DPF1: variants seen among roughly 807,000 people sequenced by gnomAD.
The protein encoded by DPF1 is zinc finger protein neuro-d4.
DPF1 carries 14 observed loss-of-function variants against 58.7 expected under a neutral mutation model. The observed-to-expected ratio is 0.24, with a 90% CI of 0.16 to 0.37. DPF1 has a LOEUF of 0.37. Ranked by LOEUF, DPF1 falls within the 10% of genes least tolerant of loss-of-function variation. The pLI, the probability that DPF1 is intolerant of heterozygous loss-of-function variation, is 1.00. For synonymous variants in DPF1, 216 were observed against 216.0 expected (o/e 1.00, Z 0.00); for missense variants, 345 against 529.9 (o/e 0.65, Z 3.43).
Position 38,218,571 on chromosome 19 carries a change from A to T in DPF1, c.516+2T>A. 6.2e-7 allele frequency: 1 copy of T among 1,613,994 alleles called. No homozygotes were observed. Among genetic ancestry groups the T allele is most frequent in the East Asian group, 2.2e-5 (1 of 44,872 alleles). Reference sequence around the variant, plus strand: ...GGGAAGAGGAGAAGCTTGGGGTGATACCTTTCCTTTGGCCCTGTTCTTCCT... The same window carrying T: ...GGGAAGAGGAGAAGCTTGGGGTGATTCCTTTCCTTTGGCCCTGTTCTTCCT... On this transcript the variant is annotated splice_donor_variant, in intron 5 of 11. Coordinates refer to ENST00000355526, the MANE Select transcript of DPF1 (RefSeq NM_001135155.3). LOFTEE classifies it high-confidence loss of function.
intron 9 of DPF1, 138 bp downstream of exon 9, chr19:38,216,002 T>A (rs1173256646): frequency 7.0e-7 from 1 of 1,420,558 alleles, no homozygotes; most frequent in East Asian, 2.4e-5. Flanking sequence ...TCAGCCTCGC[T>A]AGCTCTGGTT....
intron 3 of DPF1, among the ~76,000 whole-genome samples, chr19:38,221,508 C>G (rs918041669): frequency 1.3e-5 from 2 of 151,116 alleles, no homozygotes; most frequent in African/African-American, 4.9e-5. Context: ...CCACTGTACT[C>G]CAGCCTGGGT....
In DPF1 at chr19:38,222,310, ACAG is replaced by A; in HGVS notation, c.298+44_298+46del. 9 of 1,491,220 alleles carry A rather than the reference ACAG, an allele frequency of 6.0e-6. No homozygotes were observed. Among genetic ancestry groups the A allele is most frequent in the Non-Finnish European group, 8.2e-6 (9 of 1,095,824 alleles). 92.4% of individuals were successfully genotyped at this position (1,491,220 alleles called of 1,614,324 possible). A position where few individuals can be genotyped will look rare whatever the true frequency, so the allele number is the denominator to read the frequency against. ...AGGTGATGGACGAGTGCTAGGACAC[ACAG>A]CAGGCGCTGGGACACCGATGGGGGC... On this transcript the variant is annotated intron_variant, in intron 3 of 11. Coordinates refer to ENST00000355526, the MANE Select transcript of DPF1 (RefSeq NM_001135155.3). This position sits in a 1 kb window ranked among gnomAD's most constrained non-coding sequence, Gnocchi z 4.9.
chr19:38,229,151 C>A (rs1289407433), upstream of DPF1, among the ~76,000 whole-genome samples: 1 of 151,756 alleles, frequency 6.6e-6, no homozygotes, highest in African/African-American at 2.4e-5. The surrounding 1 kb of genome is among the most constrained non-coding windows in gnomAD (Gnocchi z 5.3). Flanking sequence ...GAGCGGAGAG[C>A]GGGTGATGGA....
intron 10 of DPF1, among the ~76,000 whole-genome samples, chr19:38,212,578 T>G (rs1277716081): frequency 6.6e-6 from 1 of 151,814 alleles, no homozygotes; most frequent in East Asian, 1.9e-4. Flanking sequence ...ATAGTGGGGG[T>G]TTTATAAGGC....
chr19:38,214,331 A>T (rs1600237805), intron 9 of DPF1, among the ~76,000 whole-genome samples: 1 of 152,222 alleles, frequency 6.6e-6, no homozygotes, highest in South Asian at 2.1e-4. Flanking sequence ...CTGCAGAGAC[A>T]CCCGCAGCCG....
At chr19:38,216,698 G>A (rs545578565) in intron 7 of DPF1, among the ~76,000 whole-genome samples, 1 of 152,310 alleles carries the variant, frequency 6.6e-6, no homozygotes, top group East Asian at 1.9e-4. Context: ...CCACAAAGTG[G>A]CGGGATTATA....
chr19:38,213,498 C>T (rs1973612113), intron 10 of DPF1, 146 bp downstream of exon 10: 10 of 671,502 alleles, frequency 1.5e-5, no homozygotes, highest in Admixed American at 1.3e-4. Context: ...GGGCCAGGTT[C>T]GATTTATGGA....
At position 38,217,841 on chromosome 19, in the gene DPF1, G is replaced by A. The variant is rs1329654947; in HGVS notation, c.552C>T (p.Asp184=). 3.7e-6 allele frequency: 6 copies of A among 1,614,106 alleles called. No homozygotes were observed. Among genetic ancestry groups the A allele is most frequent in the Non-Finnish European group, 4.2e-6 (5 of 1,180,016 alleles). ...YGIGGLRKRQ[D]TASLEDRDKP... is the part of the protein sequence containing the mutation. The stretch of plus-strand genomic sequence containing the variant: ...TGTCTCGGTCCTCCAGGGAAGCGGT[G>A]TCCTGGCGTTTCCGGAGACCCCCGA... Residue 184 remains aspartate (D), a synonymous_variant, in exon 6 of 12, where the codon GAC becomes GAT. Transcript: ENST00000355526.
chr19:38,223,066 A>C, intron 1 of DPF1: 1 of 273,578 alleles, frequency 3.7e-6, no homozygotes, highest in Non-Finnish European at 6.8e-6. Flanking sequence ...ATACTCACAA[A>C]GGAGAAACAG....
At chr19:38,214,496 AACCAGAGTCTATATTG>A in intron 9 of DPF1, among the ~76,000 whole-genome samples, 1 of 152,150 alleles carries the variant, frequency 6.6e-6, no homozygotes, top group African/African-American at 2.4e-5. Context: ...GTGCTGAGGC[AACCAGAGTCTATATTG>A]CCCACAAGCC....
chr19:38,212,644 C>A (rs1973537845), intron 10 of DPF1, among the ~76,000 whole-genome samples: 1 of 151,834 alleles, frequency 6.6e-6, no homozygotes, highest in African/African-American at 2.4e-5. Context: ...AGGGTCCTAC[C>A]CTGTTGCCCA....
In DPF1 at chr19:38,216,413, G is replaced by T. The variant is rs547136639; in HGVS notation, c.728-10C>A. ...AATTCTTTGTAAAACTCTGGGGTAG[G>T]GGGGACAGAGAGAGGGACTCTCACC... On this transcript the variant is annotated splice_polypyrimidine_tract_variant and intron_variant, in intron 7 of 11. Transcript: ENST00000355526. 3 of 1,575,474 alleles carry T rather than the reference G, an allele frequency of 1.9e-6. No homozygotes were observed. Among genetic ancestry groups the T allele is most frequent in the Admixed American group, 1.8e-5 (1 of 55,968 alleles).
At chr19:38,216,450 T>C in intron 7 of DPF1, 47 bp from the exon 8 acceptor site, 1 of 1,529,028 alleles carries the variant, frequency 6.5e-7, no homozygotes, top group Non-Finnish European at 8.8e-7. Context: ...CAGGCAAGGC[T>C]CCACCCTGCC....
At chr19:38,225,726 T>TA (rs983974370), upstream of DPF1, among the ~76,000 whole-genome samples, 33 of 146,408 alleles carry the variant, frequency 2.3e-4, no homozygotes, top group Middle Eastern at 3.5e-3. Context: ...TGGTCTCTAC[T>TA]AAAAAAAAAA....
At position 38,217,709 on chromosome 19, in the gene DPF1, C is replaced by T; in HGVS notation, c.595+89G>A. ...CAGAGACCTGAGCAGCCTCCCAACCCGGGTCTGGAACGGGAGGGAGAGGGC... is the reference window on the plus strand; with the variant it reads ...CAGAGACCTGAGCAGCCTCCCAACCTGGGTCTGGAACGGGAGGGAGAGGGC... On this transcript the variant is annotated intron_variant, in intron 6 of 11. Coordinates refer to ENST00000355526, the MANE Select transcript of DPF1 (RefSeq NM_001135155.3). The T allele has an allele frequency of 3.1e-6, 5 of 1,587,346 alleles. No homozygotes were observed. In the South Asian group the frequency reaches 5.7e-5, roughly 18 times the overall value.
intron 9 of DPF1, 46 bp downstream of exon 9, chr19:38,216,094 T>A (rs941094664): frequency 6.4e-7 from 1 of 1,574,482 alleles, no homozygotes; most frequent in African/African-American, 1.3e-5. Context: ...CACTCCTGAA[T>A]GTCCTCTGCA....
chr19:38,224,803 G>A (rs183274515), upstream of DPF1, among the ~76,000 whole-genome samples: 285 of 152,302 alleles, frequency 1.9e-3, 4 homozygotes, highest in South Asian at 0.054. The surrounding 1 kb of genome is among the most constrained non-coding windows in gnomAD (Gnocchi z 4.5). Flanking sequence ...CACCTCCAGG[G>A]TTCAAATCCT....
At position 38,222,894 on chromosome 19, in the gene DPF1, C is replaced by G; in HGVS notation, c.30-186G>C. 3.8e-6 allele frequency: 3 copies of G among 799,988 alleles called. No homozygotes were observed. The highest frequency in any genetic ancestry group is 3.7e-5 in the Admixed American group (1 of 26,808). The allele number at this position is 799,988 out of a possible 1,614,324, so 49.6% of individuals were successfully genotyped here. On this transcript the variant is annotated intron_variant, in intron 1 of 11. Transcript: ENST00000355526. The surrounding 1 kb of genome is among the most constrained non-coding windows in gnomAD (Gnocchi z 4.9). ...GGGAAGGGGACAGGGCCCAGGGGCC[C>G]CCAAACTGGGACTCAAACAGGCCCC...
Sources: allele counts gnomAD v4.1 joint callset (sites outside exome capture counted in the v4.1 genomes callset), GRCh38; gene constraint gnomAD v4.1.1; non-coding constraint Gnocchi (gnomAD v3.1); transcripts MANE v1.5; gene names NCBI Gene and HGNC (gene_info 2026-07-23, HGNC 2026-07-21).